MED13L: variants seen among roughly 807,000 people sequenced by gnomAD.
MED13L encodes mediator of RNA polymerase II transcription subunit 13-like.
In MED13L, 7 loss-of-function variants were observed where a neutral mutation model predicts 220.9. The observed-to-expected ratio is 0.03, with a 90% CI of 0.02 to 0.06. The LOEUF (loss-of-function observed/expected upper bound fraction) is 0.06. Among genes scored for constraint, MED13L ranks in the 10% least tolerant of loss-of-function variants. The pLI is 1.00. For missense variants in MED13L, 1,965 were observed against 2,760.5 expected (o/e 0.71, Z 6.46); for synonymous variants, 1,011 against 1,015.2 (o/e 1.00, Z 0.08).
At chr12:116,256,103 C>T (rs1340292045) in intron 1 of MED13L, among the ~76,000 whole-genome samples, 1 of 152,096 alleles carries the variant, frequency 6.6e-6, no homozygotes, top group East Asian at 1.9e-4. Flanking sequence ...ATTAGAACTC[C>T]TATAAAACTC....
intron 2 of MED13L, among the ~76,000 whole-genome samples, chr12:116,115,353 A>C (rs1295169931): frequency 6.6e-6 from 1 of 152,188 alleles, no homozygotes; most frequent in Non-Finnish European, 1.5e-5. Context: ...GTAACTCAAA[A>C]TGAGATCACA....
intron 1 of MED13L, among the ~76,000 whole-genome samples, chr12:116,256,495 T>C (rs529712639): frequency 1.3e-5 from 2 of 152,088 alleles, no homozygotes; most frequent in Non-Finnish European, 2.9e-5. Flanking sequence ...CTTTTTTGCA[T>C]CATAAAAATG....
intron 3 of MED13L, among the ~76,000 whole-genome samples, chr12:116,102,661 G>A (rs1179089287): frequency 6.2e-5 from 9 of 144,724 alleles, no homozygotes; most frequent in Non-Finnish European, 9.0e-5. Flanking sequence ...AGGGGCTGAA[G>A]AAACCTTTCC....
intron 2 of MED13L, chr12:116,169,294 A>T (rs1879508773): frequency 1.3e-5 from 2 of 152,496 alleles, no homozygotes; most frequent in Admixed American, 6.5e-5. Context: ...AGAAAAATCC[A>T]TGTTCCCTCT....
intron 1 of MED13L, among the ~76,000 whole-genome samples, chr12:116,247,318 A>G (rs760119440): frequency 7.9e-5 from 12 of 152,336 alleles, no homozygotes; most frequent in Non-Finnish European, 8.8e-5. Flanking sequence ...GAACTCACTT[A>G]TACTACTTTA....
At chr12:116,266,208 G>A (rs1460977329) in intron 1 of MED13L, among the ~76,000 whole-genome samples, 1 of 152,138 alleles carries the variant, frequency 6.6e-6, no homozygotes, top group Non-Finnish European at 1.5e-5. Context: ...TCATCCCATT[G>A]GATCTCAGAA....
chr12:116,092,356 T>C (rs1013859071), intron 4 of MED13L, among the ~76,000 whole-genome samples: 2 of 152,200 alleles, frequency 1.3e-5, no homozygotes, highest in African/African-American at 4.8e-5. Context: ...GACTGGGCTA[T>C]AACAGAGTCT....
intron 2 of MED13L, among the ~76,000 whole-genome samples, chr12:116,193,413 GAACAA>G (rs1463910475): frequency 2.0e-5 from 3 of 151,966 alleles, no homozygotes; most frequent in African/African-American, 4.8e-5. Flanking sequence ...TTTGTCTTAG[GAACAA>G]AACATCTAAA....
intron 30 of MED13L, chr12:115,962,580 A>G (rs1250437179): frequency 6.6e-6 from 1 of 152,200 alleles, no homozygotes; most frequent in Admixed American, 6.5e-5. Context: ...TCTATAATAT[A>G]TAGTTTCCTA....
At chr12:116,122,226 C>T (rs575683720) in intron 2 of MED13L, among the ~76,000 whole-genome samples, 2 of 152,242 alleles carry the variant, frequency 1.3e-5, no homozygotes, top group East Asian at 1.9e-4. Context: ...GATAAATAAA[C>T]GATTTTGAAG....
intron 14 of MED13L, among the ~76,000 whole-genome samples, chr12:115,998,250 G>T (rs972186303): frequency 9.2e-5 from 14 of 152,172 alleles, no homozygotes; most frequent in Admixed American, 6.5e-5. Flanking sequence ...TGGCCACTAG[G>T]GGGTGGCCTA....
chr12:116,213,275 G>C lies in MED13L; in HGVS notation c.310+24193C>G, dbSNP rs552886862. Among the ~76,000 whole-genome samples, 38 of 152,210 alleles carry C rather than the reference G, an allele frequency of 2.5e-4. 1 individual carries two copies. The South Asian group carries it at 7.9e-3, about 32-fold the overall frequency. ...AGGGAGGGAAAACAAGAAGGAAGGAGGGATCTCCCAGCTGCAATAAACTGC... is the reference window on the plus strand; with the variant it reads ...AGGGAGGGAAAACAAGAAGGAAGGACGGATCTCCCAGCTGCAATAAACTGC... On this transcript the variant is annotated intron_variant, in intron 2 of 30. Transcript: ENST00000281928.
intron 3 of MED13L, among the ~76,000 whole-genome samples, chr12:116,106,243 G>A (rs1177981906): frequency 1.3e-5 from 2 of 152,148 alleles, no homozygotes; most frequent in African/African-American, 4.8e-5. Context: ...TGAAGAGAGT[G>A]GGACCAACTG....
chr12:116,206,586 A>ATT (rs1322663483), intron 2 of MED13L, among the ~76,000 whole-genome samples: 5 of 152,230 alleles, frequency 3.3e-5, no homozygotes, highest in African/African-American at 1.2e-4. Flanking sequence ...AAAATTAGCA[A>ATT]GCCAAAGGGC....
intron 2 of MED13L, among the ~76,000 whole-genome samples, chr12:116,157,195 C>T (rs868027576): frequency 1.1e-4 from 16 of 152,290 alleles, no homozygotes; most frequent in Middle Eastern, 3.4e-3. Context: ...ATTAACCACC[C>T]TGTGCTATGC....
intron 2 of MED13L, among the ~76,000 whole-genome samples, chr12:116,215,694 G>T (rs922835802): frequency 2.6e-5 from 4 of 152,080 alleles, no homozygotes; most frequent in African/African-American, 9.7e-5. Context: ...ATACCAATAA[G>T]TTAAAGCTCT....
chr12:116,166,464 G>C (rs1272903099), intron 2 of MED13L, among the ~76,000 whole-genome samples: 2 of 151,874 alleles, frequency 1.3e-5, no homozygotes, highest in African/African-American at 4.8e-5. Flanking sequence ...GGCCCGTGTA[G>C]TCCCAACTAC....
intron 23 of MED13L, among the ~76,000 whole-genome samples, chr12:115,976,615 T>C (rs569927810): frequency 5.9e-5 from 9 of 152,362 alleles, no homozygotes; most frequent in South Asian, 2.1e-4. Flanking sequence ...TTGAGTACTT[T>C]TGAGTACATA....
chr12:116,095,017 C>G (rs1565874416), intron 4 of MED13L, among the ~76,000 whole-genome samples: 1 of 152,016 alleles, frequency 6.6e-6, no homozygotes, highest in Non-Finnish European at 1.5e-5. Context: ...TAAAAATGAG[C>G]TGGGTGTGGT....
Sources: allele counts gnomAD v4.1 joint callset (sites outside exome capture counted in the v4.1 genomes callset), GRCh38; gene constraint gnomAD v4.1.1; transcripts MANE v1.5; gene names NCBI Gene and HGNC (gene_info 2026-07-23, HGNC 2026-07-21).